The following INPP4B variants were observed in gnomAD, a reference collection of about 807,000 sequenced individuals.
INPP4B encodes the protein inositol polyphosphate-4-phosphatase type II B.
Under a neutral mutation model 122.5 loss-of-function variants are expected in INPP4B, and 55 were observed. The observed-to-expected ratio is 0.45, with a 90% CI of 0.36 to 0.56. The LOEUF (loss-of-function observed/expected upper bound fraction) is 0.56, where lower values mean the gene tolerates loss of function less well. Ranked by LOEUF, INPP4B falls within the 20% of genes least tolerant of loss-of-function variation. The pLI is 0.00. For synonymous variants in INPP4B, 403 were observed against 388.7 expected, an observed-to-expected ratio of 1.04 and a Z score of -0.43; for missense variants, 1,000 against 1,097.7, an observed-to-expected ratio of 0.91 and a Z score of 1.26.
At chr4:142,211,791 T>G (rs1304795427) in intron 12 of INPP4B, among the ~76,000 whole-genome samples, 1 of 152,212 alleles carries the variant, frequency 6.6e-6, no homozygotes, top group Non-Finnish European at 1.5e-5. Flanking sequence ...TGCCCCTTTG[T>G]GTAGCCACTG....
At chr4:142,570,499 A>T (rs1457662588) in intron 2 of INPP4B, among the ~76,000 whole-genome samples, 1 of 152,018 alleles carries the variant, frequency 6.6e-6, no homozygotes, top group East Asian at 1.9e-4. Context: ...ATTTTTAGTT[A>T]ATTTGAGTGG....
chr4:142,422,367 A>T (rs184438180), intron 5 of INPP4B, among the ~76,000 whole-genome samples: 1 of 152,228 alleles, frequency 6.6e-6, no homozygotes, highest in East Asian at 1.9e-4. Context: ...CTGTTTGTAA[A>T]GTTAAGCCCA....
intron 7 of INPP4B, among the ~76,000 whole-genome samples, chr4:142,370,524 G>A (rs1048702173): frequency 1.3e-5 from 2 of 151,982 alleles, no homozygotes; most frequent in Non-Finnish European, 2.9e-5. Flanking sequence ...CTTTGTAGAT[G>A]ACATGATATT....
intron 1 of INPP4B, among the ~76,000 whole-genome samples, chr4:142,728,461 T>C (rs1403385792): frequency 2.0e-5 from 3 of 152,186 alleles, no homozygotes; most frequent in Admixed American, 2.0e-4. Flanking sequence ...AATATGATCT[T>C]ATTCAGAAAG....
intron 2 of INPP4B, among the ~76,000 whole-genome samples, chr4:142,599,529 G>C (rs888581046): frequency 6.6e-6 from 1 of 152,170 alleles, no homozygotes; most frequent in Non-Finnish European, 1.5e-5. Context: ...TCAGGAAAAA[G>C]TCTTCCTCTA....
intron 10 of INPP4B, among the ~76,000 whole-genome samples, chr4:142,268,353 G>C (rs1358910826): frequency 5.0e-5 from 2 of 40,322 alleles, no homozygotes; most frequent in Non-Finnish European, 1.5e-4. Flanking sequence ...AAAATGAGGG[G>C]TAAGTACTGG....
At chr4:142,289,916 A>G (rs1396548910) in intron 9 of INPP4B, among the ~76,000 whole-genome samples, 1 of 152,116 alleles carries the variant, frequency 6.6e-6, no homozygotes, top group African/African-American at 2.4e-5. Context: ...CCTTTCTTCA[A>G]AATGTATCCA....
At chr4:142,511,596 G>A (rs778300359) in intron 2 of INPP4B, among the ~76,000 whole-genome samples, 1 of 152,034 alleles carries the variant, frequency 6.6e-6, no homozygotes, top group Non-Finnish European at 1.5e-5. Flanking sequence ...CTTTGGTCGG[G>A]CATTAGAATC....
At chr4:142,784,125 G>A (rs1415069673) in intron 1 of INPP4B, among the ~76,000 whole-genome samples, 1 of 152,056 alleles carries the variant, frequency 6.6e-6, no homozygotes, top group East Asian at 1.9e-4. Context: ...TACTTTGGGA[G>A]GCTGAGGCGG....
intron 7 of INPP4B, among the ~76,000 whole-genome samples, chr4:142,379,278 T>A (rs1008304323): frequency 3.9e-5 from 6 of 152,148 alleles, no homozygotes; most frequent in African/African-American, 1.4e-4. Context: ...TATGAATTCC[T>A]TAGGACATGG....
chr4:142,098,710 C>A (rs1217198978), intron 23 of INPP4B, among the ~76,000 whole-genome samples: 1 of 151,968 alleles, frequency 6.6e-6, no homozygotes, highest in Non-Finnish European at 1.5e-5. Context: ...TTAATATAAA[C>A]GTAGATGGGG....
rs540595826 is a variant in INPP4B at position 142,339,212 on chromosome 4, A to T, written c.373-24450T>A. Among the ~76,000 whole-genome samples the T allele has an allele frequency of 2.6e-5, 4 of 152,324 alleles. No individual in the cohort carries two copies. In the South Asian group the frequency reaches 8.3e-4, roughly 32 times the overall value. Reference sequence around the variant, plus strand: ...TTCTTTGTGGTTCTACTTTGCAAACAGTCCCTTTGTAAATAAACCCTCCTG... The same window carrying T: ...TTCTTTGTGGTTCTACTTTGCAAACTGTCCCTTTGTAAATAAACCCTCCTG... On this transcript the variant is annotated intron_variant, in intron 7 of 25. Coordinates refer to ENST00000262992, the MANE Select transcript of INPP4B (RefSeq NM_001101669.3).
intron 15 of INPP4B, among the ~76,000 whole-genome samples, chr4:142,186,294 G>A (rs773059598): frequency 7.9e-5 from 12 of 152,168 alleles, no homozygotes; most frequent in Non-Finnish European, 1.8e-4. Context: ...ACCACCCTCT[G>A]GGGTAAGCAC....
intron 15 of INPP4B, among the ~76,000 whole-genome samples, chr4:142,188,304 G>A (rs1003718722): frequency 9.9e-5 from 15 of 151,248 alleles, no homozygotes; most frequent in Non-Finnish European, 1.9e-4. Context: ...TGGCTAACAC[G>A]GTGAAACCCT....
chr4:142,178,538 C>T (rs1375768064), intron 15 of INPP4B, among the ~76,000 whole-genome samples: 2 of 152,104 alleles, frequency 1.3e-5, no homozygotes, highest in African/African-American at 4.8e-5. Context: ...CCATCCTTTC[C>T]CTTCCCACTC....
intron 21 of INPP4B, among the ~76,000 whole-genome samples, chr4:142,120,102 T>C (rs1040522414): frequency 1.3e-5 from 2 of 152,028 alleles, no homozygotes; most frequent in Non-Finnish European, 2.9e-5. Context: ...GAAAAGATTC[T>C]CCATTCTCCA....
At chr4:142,645,183 T>C (rs1002944900) in intron 2 of INPP4B, among the ~76,000 whole-genome samples, 1 of 152,178 alleles carries the variant, frequency 6.6e-6, no homozygotes, top group African/African-American at 2.4e-5. Flanking sequence ...TAAATGATGA[T>C]AATGAGTTTC....
chr4:142,209,912 C>T (rs896689239), intron 12 of INPP4B, among the ~76,000 whole-genome samples: 6 of 150,744 alleles, frequency 4.0e-5, no homozygotes, highest in South Asian at 2.1e-4. Context: ...TATGTGTATG[C>T]GTTGCTCCCT....
chr4:142,350,280 C>T (rs1213437110), intron 7 of INPP4B, among the ~76,000 whole-genome samples: 1 of 151,882 alleles, frequency 6.6e-6, no homozygotes, highest in Non-Finnish European at 1.5e-5. Context: ...CATTGTTGTA[C>T]CATTTTCTCT....
Sources: allele counts gnomAD v4.1 joint callset (sites outside exome capture counted in the v4.1 genomes callset), GRCh38; gene constraint gnomAD v4.1.1; transcripts MANE v1.5; gene names NCBI Gene and HGNC (gene_info 2026-07-23, HGNC 2026-07-21).